Variants in TRPM3 observed in about 807,000 individuals in gnomAD.
TRPM3 encodes the protein transient receptor potential cation channel subfamily M member 3.
In TRPM3, 77 loss-of-function variants were observed where a neutral mutation model predicts 181.2. The observed-to-expected ratio is 0.42, with a 90% CI of 0.35 to 0.51. The LOEUF (loss-of-function observed/expected upper bound fraction) is 0.51. Ranked by LOEUF, TRPM3 falls within the 20% of genes least tolerant of loss-of-function variation. The pLI is 0.01. For synonymous variants in TRPM3, 745 were observed against 796.4 expected (o/e 0.94, Z 1.09); for missense variants, 1,759 against 2,196.7 (o/e 0.80, Z 3.98).
At chr9:71,182,388 A>T (rs2077455314) in intron 1 of TRPM3, among the ~76,000 whole-genome samples, 1 of 152,056 alleles carries the variant, frequency 6.6e-6, no homozygotes, top group African/African-American at 2.4e-5. Context: ...CAGGGTTTCA[A>T]ACCAATGAAA....
At chr9:71,052,583 T>C (rs117605734) in intron 1 of TRPM3, among the ~76,000 whole-genome samples, 3 of 152,270 alleles carry the variant, frequency 2.0e-5, no homozygotes, top group East Asian at 3.9e-4. Context: ...TCACTTACGC[T>C]TCTTGCAAAC....
intron 1 of TRPM3, among the ~76,000 whole-genome samples, chr9:71,130,384 C>T (rs2074296989): frequency 2.0e-5 from 3 of 152,056 alleles, no homozygotes; most frequent in Admixed American, 2.0e-4. Flanking sequence ...GTTTCAATGA[C>T]ACAAAAGATG....
chr9:71,332,008 T>C lies in TRPM3; in HGVS notation c.183+114645A>G, dbSNP rs370176570. ...AGGGTTAAACTATTTACACAGGTTA[T>C]TGTACAGCTATAGTATTCATAAAAT... On this transcript the variant is annotated intron_variant, in intron 1 of 24. Coordinates refer to the TRPM3 transcript ENST00000357533. 1.2e-4 allele frequency among the ~76,000 whole-genome samples: 18 copies of C among 149,274 alleles called. 1 individual carries two copies. In the East Asian group the frequency reaches 2.8e-3, roughly 23 times the overall value.
chr9:70,648,945 A>T (rs2133752653), intron 9 of TRPM3, among the ~76,000 whole-genome samples: 1 of 152,322 alleles, frequency 6.6e-6, no homozygotes, highest in East Asian at 1.9e-4. Context: ...CACAGATTTC[A>T]TGACAAAGAC....
At chr9:70,919,078 G>C (rs1463477878) in intron 1 of TRPM3, among the ~76,000 whole-genome samples, 1 of 151,970 alleles carries the variant, frequency 6.6e-6, no homozygotes, top group Non-Finnish European at 1.5e-5. Context: ...CCCTCTCCCT[G>C]TCTCCCCTCT....
chr9:71,094,599 C>T (rs1459804010), intron 1 of TRPM3, among the ~76,000 whole-genome samples: 1 of 152,090 alleles, frequency 6.6e-6, no homozygotes, highest in Non-Finnish European at 1.5e-5. Context: ...CAAACCTCAG[C>T]TCTACCATTT....
chr9:70,976,524 G>A (rs1199601815), intron 1 of TRPM3, among the ~76,000 whole-genome samples: 1 of 152,202 alleles, frequency 6.6e-6, no homozygotes, highest in African/African-American at 2.4e-5. Context: ...CCCCAGCCCA[G>A]ATCTACTGAA....
intron 1 of TRPM3, among the ~76,000 whole-genome samples, chr9:71,135,722 T>C: frequency 6.6e-6 from 1 of 152,170 alleles, no homozygotes; most frequent in East Asian, 1.9e-4. Context: ...TGCATGCTAC[T>C]CAAGTTTATG....
chr9:71,172,625 T>G (rs947584072), intron 1 of TRPM3, among the ~76,000 whole-genome samples: 1 of 152,138 alleles, frequency 6.6e-6, no homozygotes, highest in Non-Finnish European at 1.5e-5. Flanking sequence ...AGGCTTGTTT[T>G]GAACTCCTGG....
rs1244510176 is a variant in TRPM3, at chr9:71,153,349, T to C, written c.184-288838A>G. Among the ~76,000 whole-genome samples the C allele has an allele frequency of 2.0e-5, 3 of 149,946 alleles. No individual in the cohort carries two copies. In the East Asian group the frequency reaches 5.9e-4, roughly 30 times the overall value. The stretch of plus-strand genomic sequence containing the variant: ...CTCTGTCATCCAGGCTGGAGGGCAG[T>C]GGTGCAATCTCAGCCCACTGCAACC... On this transcript the variant is annotated intron_variant, in intron 1 of 24. Coordinates refer to the TRPM3 transcript ENST00000357533.
chr9:70,557,700 C>T (rs777594305), intron 22 of TRPM3, among the ~76,000 whole-genome samples: 1 of 152,198 alleles, frequency 6.6e-6, no homozygotes, highest in African/African-American at 2.4e-5. Context: ...GTTTAGGAAA[C>T]GTAGGCTGGT....
At chr9:70,624,321 G>A (rs1456887142) in intron 14 of TRPM3, among the ~76,000 whole-genome samples, 1 of 152,152 alleles carries the variant, frequency 6.6e-6, no homozygotes, top group Non-Finnish European at 1.5e-5. Flanking sequence ...GTCTCACTAT[G>A]TTGTTCAGGT....
intron 1 of TRPM3, among the ~76,000 whole-genome samples, chr9:71,306,964 C>T (rs2087404081): frequency 6.6e-6 from 1 of 152,244 alleles, no homozygotes; most frequent in Admixed American, 6.5e-5. Flanking sequence ...TGTAAAATAT[C>T]TTTGACATTA....
chr9:71,184,284 G>T (rs1398195501), intron 1 of TRPM3, among the ~76,000 whole-genome samples: 1 of 152,084 alleles, frequency 6.6e-6, no homozygotes, highest in Non-Finnish European at 1.5e-5. Context: ...GGTCCAGCAT[G>T]GGGGTTGCAA....
intron 1 of TRPM3, among the ~76,000 whole-genome samples, chr9:71,050,051 T>C (rs893196672): frequency 6.6e-6 from 1 of 152,156 alleles, no homozygotes; most frequent in Non-Finnish European, 1.5e-5. Flanking sequence ...CAGGTTATTA[T>C]GGAATAATGT....
At chr9:70,815,142 A>G (rs1421358772) in intron 6 of TRPM3, among the ~76,000 whole-genome samples, 1 of 152,128 alleles carries the variant, frequency 6.6e-6, no homozygotes, top group African/African-American at 2.4e-5. Flanking sequence ...GATTATACTG[A>G]ACATACAGTT....
intron 3 of TRPM3, among the ~76,000 whole-genome samples, chr9:70,862,303 T>C (rs547204663): frequency 6.6e-6 from 1 of 152,244 alleles, no homozygotes; most frequent in East Asian, 1.9e-4. Flanking sequence ...CTCTTAGAAG[T>C]AACATTTGCA....
chr9:71,059,011 A>ATTTTTTTTTTTTTTTTTTTT lies in TRPM3; in HGVS notation c.177+62147_177+62166dup, dbSNP rs1162577364. The stretch of plus-strand genomic sequence containing the variant: ...ATTTCTCTGAAGTTTTTGTTTGTTC[A>ATTTTTTTTTTTTTTTTTTTT]TTTTTTTTTTTTTTTTTTTTTTTTT... On this transcript the variant is annotated intron_variant, in intron 1 of 25. Coordinates refer to ENST00000677713, the MANE Select transcript of TRPM3 (RefSeq NM_001366145.2). 4.2e-4 allele frequency among the ~76,000 whole-genome samples: 22 copies of ATTTTTTTTTTTTTTTTTTTT among 52,634 alleles called. 5 individuals are homozygous for ATTTTTTTTTTTTTTTTTTTT. The highest frequency in any genetic ancestry group is 5.0e-4 in the Non-Finnish European group (16 of 31,714). 34.5% of individuals were successfully genotyped at this position (52,634 alleles called of 152,430 possible).
chr9:71,220,847 TG>T, intron 1 of TRPM3, among the ~76,000 whole-genome samples: 1 of 152,044 alleles, frequency 6.6e-6, no homozygotes, highest in South Asian at 2.1e-4. Context: ...CACCATCCCC[TG>T]CCCATCCAAC....
Sources: allele counts gnomAD v4.1 joint callset (sites outside exome capture counted in the v4.1 genomes callset), GRCh38; gene constraint gnomAD v4.1.1; transcripts MANE v1.5; gene names NCBI Gene and HGNC (gene_info 2026-07-23, HGNC 2026-07-21).